SEMA4B: variants seen among roughly 807,000 people sequenced by gnomAD.
The protein encoded by SEMA4B is semaphorin 4B, also known as semaphorin-4B.
In SEMA4B, 55 loss-of-function variants were observed where a neutral mutation model predicts 88.1. The ratio of observed to expected loss-of-function variants is 0.62; its 90% CI spans 0.50 to 0.78. SEMA4B has a LOEUF of 0.78. Among genes scored for constraint, SEMA4B ranks in the 30% least tolerant of loss-of-function variants. The pLI is 0.00. For missense variants in SEMA4B, 1,062 were observed against 1,111.9 expected (o/e 0.96, Z 0.64); for synonymous variants, 525 against 473.6 (o/e 1.11, Z -1.41).
intron 1 of SEMA4B, chr15:90,206,641 A>C: frequency 1.5e-6 from 1 of 656,506 alleles, no homozygotes. Context: ...TGTTGAAGAC[A>C]GCCCTCATCC....
chr15:90,228,681 G>T lies in SEMA4B; in HGVS notation c.*38G>T. ...AGAGGACGCTGCCCTGGCTTCAGGG[G>T]CTGTGAATGCTCGGAGAGGGTCAAC... On this transcript the variant is annotated 3_prime_UTR_variant, in exon 14 of 14. Transcript: ENST00000411539. The T allele has an allele frequency of 6.2e-7, 1 of 1,610,714 alleles. No individual in the cohort carries two copies. The highest frequency in any genetic ancestry group is 2.2e-5 in the East Asian group (1 of 44,868).
At chr15:90,220,810 C>A (rs185443698) in intron 4 of SEMA4B, among the ~76,000 whole-genome samples, 172 bp from the exon 5 acceptor site, 2 of 152,162 alleles carry the variant, frequency 1.3e-5, no homozygotes, top group African/African-American at 4.8e-5. Context: ...TCAAACCCTT[C>A]GGCACCGTGT....
chr15:90,213,887 T>G (rs1259476210), intron 1 of SEMA4B, among the ~76,000 whole-genome samples: 2 of 152,186 alleles, frequency 1.3e-5, no homozygotes, highest in African/African-American at 4.8e-5. Flanking sequence ...TCCCGTGACA[T>G]GTATGAGAAA....
At chr15:90,214,887 T>C (rs905841253) in intron 1 of SEMA4B, 3 of 873,270 alleles carry the variant, frequency 3.4e-6, no homozygotes, top group African/African-American at 3.6e-5. Context: ...TTAATGTTTA[T>C]ATTTCACTAC....
At chr15:90,186,713 G>A (rs1026863262) in intron 1 of SEMA4B, among the ~76,000 whole-genome samples, 6 of 152,122 alleles carry the variant, frequency 3.9e-5, no homozygotes, top group Admixed American at 2.0e-4. Flanking sequence ...CGAGATGGGC[G>A]GAGAGGTCAG....
rs1596146868 is a variant in SEMA4B at position 90,217,705 on chromosome 15, G to A, written c.322-62G>A. ...GGGTCCAAGGATGATGCCTATGGGA[G>A]AGGAGGGAGGCTCAGCAAACCCTCC... On this transcript the variant is annotated intron_variant, in intron 2 of 13. Coordinates refer to ENST00000411539, the MANE Select transcript of SEMA4B (RefSeq NM_198925.4). 10 of 1,600,770 alleles carry A rather than the reference G, an allele frequency of 6.2e-6. No individual in the cohort carries two copies. The East Asian group carries it at 2.2e-4, about 36-fold the overall frequency.
In SEMA4B at chr15:90,217,581, G is replaced by A. The variant is rs759567337; in HGVS notation, c.300G>A (p.Leu100=). Residue 100 remains leucine, a synonymous_variant, in exon 2 of 14, where the codon CTG becomes CTA. Transcript: ENST00000411539. ...LFALSSNLSF[L]PGGEYQELLW... ...CACTCAGTAGCAACCTCAGCTTCCT[G>A]CCAGGCGGGGAGTACCAGGAGGTGA... is the stretch of plus-strand genomic sequence containing the variant. 2 of 1,613,908 alleles carry A rather than the reference G, an allele frequency of 1.2e-6. No homozygotes were observed. The highest frequency in any genetic ancestry group is 2.2e-5 in the South Asian group (2 of 91,082).
chr15:90,223,961 C>G lies in SEMA4B; in HGVS notation c.1167C>G (p.His389Gln). The G allele has an allele frequency of 6.2e-7, 1 of 1,613,406 alleles. No homozygotes were observed. Among genetic ancestry groups the G allele is most frequent in the Non-Finnish European group, 8.5e-7 (1 of 1,179,796 alleles). ...RETQQWYTVT[H>Q]PVPTPRPGAC... The stretch of plus-strand genomic sequence containing the variant: ...CACAGCAGTGGTACACCGTGACCCA[C>G]CCGGTGCCCACACCCCGGCCTGGAG... Residue 389 changes from histidine to glutamine, a missense_variant, in exon 9 of 14, where the codon CAC becomes CAG. Physicochemically the swap from His to Gln is conservative, Grantham distance 24. Transcript: ENST00000411539.
At chr15:90,193,718 G>A (rs1229549191) in intron 1 of SEMA4B, among the ~76,000 whole-genome samples, 3 of 152,174 alleles carry the variant, frequency 2.0e-5, no homozygotes, top group Non-Finnish European at 2.9e-5. Context: ...TCAACAAATA[G>A]TGATTGAGCA....
rs979596733 is a variant in SEMA4B at position 90,202,239 on chromosome 15, C to T, written c.157+504C>T. The stretch of plus-strand genomic sequence containing the variant: ...TCCATCCCTGGCTTGCCAGTGCAGC[C>T]CCAAGCCCCAGCATGGAGAGACCTC... On this transcript the variant is annotated intron_variant, in intron 1 of 13. Transcript: ENST00000411539. Among the ~76,000 whole-genome samples the T allele has an allele frequency of 2.6e-5, 4 of 152,358 alleles. No homozygotes were observed. The East Asian group carries it at 7.7e-4, about 29-fold the overall frequency.
intron 9 of SEMA4B, 32 bp from the exon 10 acceptor site, chr15:90,224,936 G>A (rs781098916): frequency 1.3e-6 from 2 of 1,594,666 alleles, no homozygotes. Flanking sequence ...CCCGAGGTGT[G>A]GCTGGCCTCA....
Position 90,222,797 on chromosome 15 carries a change from T to C in SEMA4B, c.862-762T>C, listed in dbSNP as rs977263030. Among the ~76,000 whole-genome samples the C allele has an allele frequency of 5.3e-5, 8 of 151,980 alleles. No homozygotes were observed. In the South Asian group the frequency reaches 8.3e-4, roughly 16 times the overall value. ...TCAGAGTTGTTATGTGAATTATTAA[T>C]CCACGCAAAGCTCTTAGAAATGTGG... On this transcript the variant is annotated intron_variant, in intron 7 of 13. Coordinates refer to ENST00000411539, the MANE Select transcript of SEMA4B (RefSeq NM_198925.4).
intron 5 of SEMA4B, 74 bp from the exon 6 acceptor site, chr15:90,221,293 G>C: frequency 1.5e-6 from 2 of 1,347,578 alleles, no homozygotes; most frequent in Non-Finnish European, 2.1e-6. Context: ...CAGTGCTGGG[G>C]TCACTCTGGG....
Position 90,225,567 on chromosome 15 carries a change from G to A in SEMA4B, c.1522-94G>A, listed in dbSNP as rs935612837. The A allele has an allele frequency of 9.9e-6, 14 of 1,420,000 alleles. 1 individual carries two copies. In the South Asian group the frequency reaches 1.0e-4, roughly 10 times the overall value. The allele number at this position is 1,420,000 out of a possible 1,614,324, so 88.0% of individuals were successfully genotyped here. On this transcript the variant is annotated intron_variant, in intron 11 of 13. Coordinates refer to ENST00000411539, the MANE Select transcript of SEMA4B (RefSeq NM_198925.4). The stretch of plus-strand genomic sequence containing the variant: ...TCGCCTGTTACGTAACAGGCCTCTT[G>A]GGGGTGGCTCTGGGAGGCATACAAG...
At position 90,221,392 on chromosome 15, in the gene SEMA4B, C is replaced by A. The variant is rs373320383; in HGVS notation, c.621C>A (p.Val207=). ...ATGGCGAGCTCTACACTGGAACAGTCAGCAGCTTCCAAGGGAATGACCCGG... is the reference window on the plus strand; with the variant it reads ...ATGGCGAGCTCTACACTGGAACAGTAAGCAGCTTCCAAGGGAATGACCCGG... ...VVDGELYTGT[V]SSFQGNDPAI... Residue 207 remains valine, a synonymous_variant, in exon 6 of 14, where the codon GTC becomes GTA. Coordinates refer to ENST00000411539, the MANE Select transcript of SEMA4B (RefSeq NM_198925.4). 2.1e-4 allele frequency: 336 copies of A among 1,571,308 alleles called. No homozygotes were observed. Among genetic ancestry groups the A allele is most frequent in the Non-Finnish European group, 2.7e-4 (311 of 1,159,240 alleles).
chr15:90,192,409 C>T (rs985665050), intron 1 of SEMA4B, among the ~76,000 whole-genome samples: 1 of 152,206 alleles, frequency 6.6e-6, no homozygotes. Context: ...AGAGGCTGTA[C>T]CCATGGATGA....
chr15:90,213,377 A>G (rs1056843367), intron 1 of SEMA4B, among the ~76,000 whole-genome samples: 1 of 152,244 alleles, frequency 6.6e-6, no homozygotes, highest in Admixed American at 6.5e-5. Context: ...CAGAAGGGGA[A>G]AGCCTGGTTA....
rs1327559930 is a variant in SEMA4B, at chr15:90,227,786, CA to C, written c.1775-117del. 42 of 1,512,258 alleles carry C rather than the reference CA, an allele frequency of 2.8e-5. No individual in the cohort carries two copies. In the Middle Eastern group the frequency reaches 8.6e-4, roughly 31 times the overall value. The allele number at this position is 1,512,258 out of a possible 1,614,324, so 93.7% of individuals were successfully genotyped here. A position where few individuals can be genotyped will look rare whatever the true frequency, so the allele number is the denominator to read the frequency against. On this transcript the variant is annotated intron_variant, in intron 13 of 13. Coordinates refer to ENST00000411539, the MANE Select transcript of SEMA4B (RefSeq NM_198925.4). ...GCAGGTCCCCAGGAAGACTCAGTCCCAGGGGTCCCCGGAGTTGCCCATCGTG... is the reference window on the plus strand; with the variant it reads ...GCAGGTCCCCAGGAAGACTCAGTCCCGGGGTCCCCGGAGTTGCCCATCGTG...
chr15:90,219,253 G>A (rs1024881521), intron 3 of SEMA4B: 1 of 152,216 alleles, frequency 6.6e-6, no homozygotes, highest in African/African-American at 2.4e-5. Flanking sequence ...GGCTGACTGG[G>A]TTTGGGGCCT....
Sources: gnomAD v4.1 joint callset for allele counts (sites outside exome capture counted in the v4.1 genomes callset) on GRCh38, gnomAD v4.1.1 for gene constraint, MANE v1.5 for transcripts, NCBI Gene and HGNC (gene_info 2026-07-23, HGNC 2026-07-21) for gene names.